Variants in HS3ST5 observed in about 807,000 individuals in gnomAD.
HS3ST5 encodes the protein heparan sulfate glucosamine 3-O-sulfotransferase 5.
Under a neutral mutation model 25.4 loss-of-function variants are expected in HS3ST5, and 10 were observed. That is an observed-to-expected ratio of 0.39 (90% CI 0.24 to 0.67). The LOEUF is 0.67. HS3ST5 is among the 30% of genes least tolerant of loss of function. The pLI is 0.44. For synonymous variants in HS3ST5, 170 were observed against 162.4 expected, an observed-to-expected ratio of 1.05 and a Z score of -0.36; for missense variants, 324 against 420.7, an observed-to-expected ratio of 0.77 and a Z score of 2.01.
intron 1 of HS3ST5, among the ~76,000 whole-genome samples, chr6:114,232,458 C>T (rs897044341): frequency 1.2e-4 from 19 of 152,178 alleles, no homozygotes; most frequent in African/African-American, 2.4e-4. Flanking sequence ...CTCACAGTGC[C>T]AGGATTACAG....
chr6:114,058,151 T>C lies in HS3ST5; in HGVS notation c.147A>G (p.Gly49=), dbSNP rs765782418. The C allele has an allele frequency of 1.2e-6, 2 of 1,610,702 alleles. No individual in the cohort carries two copies. Among genetic ancestry groups the C allele is most frequent in the South Asian group, 2.2e-5 (2 of 91,012 alleles). ...GTGGGAATTCAGCCTGAGTGCGGGC[T>C]CCACCCAGTCGACCTTCAATGGGGC... ...PICPIEGRLG[G]ARTQAEFPLR... Residue 49 remains glycine (G), a synonymous_variant, in exon 5 of 5, where the codon GGA becomes GGG. Transcript: ENST00000312719.
chr6:114,219,115 C>T (rs1781909745), intron 2 of HS3ST5, among the ~76,000 whole-genome samples: 1 of 152,212 alleles, frequency 6.6e-6, no homozygotes, highest in Non-Finnish European at 1.5e-5. Context: ...TGCAAATCCT[C>T]ATTCACAATA....
At position 114,253,672 on chromosome 6, in the gene HS3ST5, C is replaced by T. The variant is rs1348774093; in HGVS notation, c.-338-24894G>A. On this transcript the variant is annotated intron_variant, in intron 1 of 4. Transcript: ENST00000312719. ...TGACACTCAGCACAATTAGAAGCCA[C>T]CGAAAATGTTCACACAAGGGAATAA... 2.6e-5 allele frequency among the ~76,000 whole-genome samples: 4 copies of T among 152,138 alleles called. No homozygotes were observed. In the East Asian group the frequency reaches 7.7e-4, roughly 29 times the overall value.
chr6:114,154,264 G>A (rs57019127), intron 3 of HS3ST5, among the ~76,000 whole-genome samples: 12,082 of 152,214 alleles, frequency 0.079, 559 homozygotes, highest in African/African-American at 0.12. Context: ...GTGGGAAGGC[G>A]AGGTGAGTGA....
At chr6:114,268,267 T>A (rs1227402497) in intron 1 of HS3ST5, among the ~76,000 whole-genome samples, 1 of 152,106 alleles carries the variant, frequency 6.6e-6, no homozygotes, top group African/African-American at 2.4e-5. Flanking sequence ...CTCTTAGAGA[T>A]TTGGTATAGA....
intron 1 of HS3ST5, among the ~76,000 whole-genome samples, chr6:114,341,222 G>GGGGAGAGAGAGAGAGAGA (rs1776839835): frequency 2.1e-5 from 1 of 46,598 alleles, no homozygotes; most frequent in Non-Finnish European, 3.7e-5. Context: ...GGAGAGAGGG[G>GGGGAGAGAGAGAGAGAGA]GAGAGAGAGA....
intron 2 of HS3ST5, among the ~76,000 whole-genome samples, chr6:114,216,726 C>T (rs1054011177): frequency 1.2e-5 from 1 of 82,720 alleles, no homozygotes; most frequent in African/African-American, 3.7e-5. Flanking sequence ...AATCGTCCTC[C>T]TTAAAAAAAA....
At chr6:114,181,881 A>AGT (rs1376213590) in intron 2 of HS3ST5, among the ~76,000 whole-genome samples, 2 of 123,584 alleles carry the variant, frequency 1.6e-5, no homozygotes, top group African/African-American at 5.2e-5. Flanking sequence ...TGTGTATGTG[A>AGT]GTATGTGTGT....
At chr6:114,341,254 A>AGAGAGAGAGT (rs1554229610) in intron 1 of HS3ST5, among the ~76,000 whole-genome samples, 1 of 149,792 alleles carries the variant, frequency 6.7e-6, no homozygotes, top group South Asian at 2.2e-4. Context: ...AGAGAGAGAG[A>AGAGAGAGAGT]GAGAGAGTGA....
At chr6:114,329,422 C>T (rs1211583819) in intron 1 of HS3ST5, among the ~76,000 whole-genome samples, 7 of 152,150 alleles carry the variant, frequency 4.6e-5, no homozygotes, top group Admixed American at 3.3e-4. Flanking sequence ...TCAGGACAAG[C>T]ATAATGCAGT....
chr6:114,058,263 A>G (rs957123990), intron 4 of HS3ST5, 73 bp from the exon 5 acceptor site: 19 of 1,162,238 alleles, frequency 1.6e-5, no homozygotes, highest in Admixed American at 4.8e-5. Flanking sequence ...CAGTCAGACC[A>G]AGACTTTAAA....
At chr6:114,260,331 A>G (rs1196821578) in intron 1 of HS3ST5, among the ~76,000 whole-genome samples, 1 of 152,196 alleles carries the variant, frequency 6.6e-6, no homozygotes, top group African/African-American at 2.4e-5. Flanking sequence ...CCTCAGAGAT[A>G]TGGACTATAA....
chr6:114,251,160 G>C lies in HS3ST5; in HGVS notation c.-338-22382C>G, dbSNP rs117760293. Among the ~76,000 whole-genome samples, 202 of 152,292 alleles carry C rather than the reference G, an allele frequency of 1.3e-3. 3 individuals carry two copies. The East Asian group carries it at 0.029, about 22-fold the overall frequency. ...TCAAAGAAAAAGTAACGTATAAAAA[G>C]AAATGTAGGTGACTTTGGTGTTGCA... On this transcript the variant is annotated intron_variant, in intron 1 of 4. Coordinates refer to ENST00000312719, the MANE Select transcript of HS3ST5 (RefSeq NM_153612.4).
chr6:114,309,483 C>T (rs1775440784), intron 1 of HS3ST5, among the ~76,000 whole-genome samples: 1 of 152,148 alleles, frequency 6.6e-6, no homozygotes, highest in Non-Finnish European at 1.5e-5. Flanking sequence ...GATGCCAAGG[C>T]AGGCAGAGCA....
At position 114,223,651 on chromosome 6, in the gene HS3ST5, T is replaced by G. The variant is rs138483024; in HGVS notation, c.-145+4934A>C. On this transcript the variant is annotated intron_variant, in intron 2 of 4. Coordinates refer to ENST00000312719, the MANE Select transcript of HS3ST5 (RefSeq NM_153612.4). ...TCCATTTTTCTTCAAATCAAAAAAG[T>G]TTTATGCATACGTTTACAGCCTTAT... is the stretch of plus-strand genomic sequence containing the variant. Among the ~76,000 whole-genome samples, 1,330 of 151,822 alleles carry G rather than the reference T, an allele frequency of 8.8e-3. 18 individuals are homozygous for G. Among genetic ancestry groups the G allele is most frequent in the African/African-American group, 0.03 (1,240 of 41,498 alleles).
chr6:114,206,867 C>A (rs1781294767), intron 2 of HS3ST5, among the ~76,000 whole-genome samples: 1 of 152,160 alleles, frequency 6.6e-6, no homozygotes, highest in Non-Finnish European at 1.5e-5. Flanking sequence ...ATTAACCTGA[C>A]CTTCTAACTC....
At chr6:114,072,665 T>C (rs539362441) in intron 3 of HS3ST5, among the ~76,000 whole-genome samples, 3 of 152,178 alleles carry the variant, frequency 2.0e-5, no homozygotes, top group African/African-American at 4.8e-5. Context: ...TAGCTTAAAA[T>C]TGGCCATGAA....
At chr6:114,190,589 A>G (rs1487651529) in intron 2 of HS3ST5, among the ~76,000 whole-genome samples, 2 of 152,174 alleles carry the variant, frequency 1.3e-5, no homozygotes, top group Admixed American at 1.3e-4. Flanking sequence ...GTGCAGTGCC[A>G]AGGATTTAGA....
intron 3 of HS3ST5, among the ~76,000 whole-genome samples, chr6:114,070,993 A>G (rs545631697): frequency 1.9e-4 from 29 of 152,318 alleles, no homozygotes; most frequent in Admixed American, 1.5e-3. Flanking sequence ...GGATCACATC[A>G]TCTCCAGGCT....
Sources: allele counts gnomAD v4.1 joint callset (sites outside exome capture counted in the v4.1 genomes callset), GRCh38; gene constraint gnomAD v4.1.1; transcripts MANE v1.5; gene names NCBI Gene and HGNC (gene_info 2026-07-23, HGNC 2026-07-21).